PAK1: variants seen among roughly 807,000 people sequenced by gnomAD.
The protein encoded by PAK1 is p21 (RAC1) activated kinase 1.
A neutral mutation model predicts 67.4 loss-of-function variants in PAK1; 29 were observed. That is an observed-to-expected ratio of 0.43 (90% CI 0.32 to 0.59). The LOEUF is 0.59. Ranked by LOEUF, PAK1 falls within the 20% of genes least tolerant of loss-of-function variation. The pLI, the probability that PAK1 is intolerant of heterozygous loss-of-function variation, is 0.07. For missense variants in PAK1, 337 were observed against 670.7 expected (o/e 0.50, Z 5.50); for synonymous variants, 223 against 237.4 (o/e 0.94, Z 0.56).
At chr11:77,487,037 G>C in the PAK1 span, among the ~76,000 whole-genome samples, 1 of 152,164 alleles carries the variant, frequency 6.6e-6, no homozygotes, top group Non-Finnish European at 1.5e-5. Context: ...CTCCAGGAGA[G>C]ACTCCTTCCT....
chr11:77,412,805 G>A (rs545458027), intron 1 of PAK1, among the ~76,000 whole-genome samples: 48 of 152,244 alleles, frequency 3.2e-4, no homozygotes, highest in Admixed American at 2.9e-3. Context: ...TTATGAAGTA[G>A]GCACTATACC....
chr11:77,408,530 A>AATACACATACAC (rs56015509), intron 1 of PAK1, among the ~76,000 whole-genome samples: 1 of 111,534 alleles, frequency 9.0e-6, no homozygotes, highest in Admixed American at 8.7e-5. Flanking sequence ...ACTATGGAGA[A>AATACACATACAC]ATACACACAC....
chr11:77,422,554 C>A (rs200498862), intron 1 of PAK1, among the ~76,000 whole-genome samples: 122 of 137,166 alleles, frequency 8.9e-4, no homozygotes, highest in Admixed American at 1.1e-3. Flanking sequence ...GACACCGTCT[C>A]AAAAAAAAAA....
chr11:77,410,524 T>C (rs1396192675), intron 1 of PAK1, among the ~76,000 whole-genome samples: 2 of 151,822 alleles, frequency 1.3e-5, no homozygotes, highest in Non-Finnish European at 2.9e-5. Flanking sequence ...ACCAGTAACC[T>C]ACTAATAATA....
At chr11:77,325,463 G>A (rs1939577858) in intron 14 of PAK1, 1 of 1,318,734 alleles carries the variant, frequency 7.6e-7, no homozygotes, top group African/African-American at 1.5e-5. Flanking sequence ...TATATAAAGT[G>A]TTTAGTGCCT....
In PAK1 at chr11:77,340,639, G is replaced by C. The variant is rs751827882; in HGVS notation, c.1116+7C>G. On this transcript the variant is annotated splice_region_variant and intron_variant, in intron 11 of 14. Coordinates refer to ENST00000356341, the MANE Select transcript of PAK1 (RefSeq NM_002576.5). The stretch of plus-strand genomic sequence containing the variant: ...TCTACCCAAGACTGCTTGGCCCTTG[G>C]CCTTACCTCACGGCACACAGCTGCA... 25 of 1,478,488 alleles carry C rather than the reference G, an allele frequency of 1.7e-5. No homozygotes were observed. The highest frequency in any genetic ancestry group is 2.3e-5 in the Non-Finnish European group (24 of 1,056,314). 91.6% of individuals were successfully genotyped at this position (1,478,488 alleles called of 1,614,324 possible). A position where few individuals can be genotyped will look rare whatever the true frequency, so the allele number is the denominator to read the frequency against.
intron 8 of PAK1, 25 bp downstream of exon 8, chr11:77,353,511 A>T (rs774578366): frequency 3.9e-6 from 6 of 1,551,892 alleles, no homozygotes; most frequent in Admixed American, 1.7e-5. Context: ...TCATTTCTCC[A>T]GGGAAAGAAA....
intron 1 of PAK1, among the ~76,000 whole-genome samples, chr11:77,393,864 G>A (rs565966345): frequency 3.8e-4 from 58 of 152,174 alleles, no homozygotes; most frequent in African/African-American, 1.3e-3. Flanking sequence ...TTAGCCAGGC[G>A]TGGTGGTGGG....
chr11:77,335,398 C>T (rs1249550213), intron 13 of PAK1, among the ~76,000 whole-genome samples: 1 of 152,162 alleles, frequency 6.6e-6, no homozygotes, highest in Non-Finnish European at 1.5e-5. Flanking sequence ...CTTTATTACC[C>T]AACTTAAGTA....
At chr11:77,365,805 C>T (rs1307261211) in intron 5 of PAK1, among the ~76,000 whole-genome samples, 1 of 151,842 alleles carries the variant, frequency 6.6e-6, no homozygotes, top group Admixed American at 6.6e-5. Context: ...TGTACTCCAG[C>T]CTGGGCGACA....
chr11:77,341,408 G>A (rs1943582841), intron 10 of PAK1, among the ~76,000 whole-genome samples: 1 of 152,192 alleles, frequency 6.6e-6, no homozygotes, highest in African/African-American at 2.4e-5. Flanking sequence ...CCTCTACTTT[G>A]AGTGTCTGTG....
chr11:77,479,122 C>G (rs1958091273), upstream of PAK1, among the ~76,000 whole-genome samples: 1 of 151,166 alleles, frequency 6.6e-6, no homozygotes, highest in South Asian at 2.1e-4. Flanking sequence ...TAAGCATTAG[C>G]ACTCATTGTA....
At chr11:77,501,169 C>CAAAAAAA in the PAK1 span, among the ~76,000 whole-genome samples, 1 of 151,238 alleles carries the variant, frequency 6.6e-6, no homozygotes, top group African/African-American at 2.4e-5. Context: ...AAACAAAAAA[C>CAAAAAAA]AAAAAACAAA....
the PAK1 span, among the ~76,000 whole-genome samples, chr11:77,513,243 G>A: frequency 2.0e-5 from 3 of 152,278 alleles, no homozygotes; most frequent in African/African-American, 7.2e-5. Context: ...GGTCTTTAAT[G>A]AGTTAATCTA....
chr11:77,419,870 T>C (rs899330372), intron 1 of PAK1, among the ~76,000 whole-genome samples: 2 of 152,164 alleles, frequency 1.3e-5, no homozygotes, highest in Admixed American at 6.5e-5. Flanking sequence ...GTAATGATGA[T>C]CTAGAGCATC....
chr11:77,498,997 C>T, the PAK1 span, among the ~76,000 whole-genome samples: 1 of 151,988 alleles, frequency 6.6e-6, no homozygotes, highest in East Asian at 1.9e-4. Context: ...CCACGCCCTG[C>T]CAAATTTTAT....
intron 2 of PAK1, among the ~76,000 whole-genome samples, chr11:77,390,901 C>T (rs528191979): frequency 6.6e-6 from 1 of 152,130 alleles, no homozygotes; most frequent in Non-Finnish European, 1.5e-5. Context: ...CATTAAAAGT[C>T]CTTATTATTT....
At chr11:77,485,451 T>C in the PAK1 span, among the ~76,000 whole-genome samples, 1 of 151,280 alleles carries the variant, frequency 6.6e-6, no homozygotes, top group East Asian at 2.0e-4. Flanking sequence ...ATACCTACTA[T>C]ATACCCACAA....
the PAK1 span, among the ~76,000 whole-genome samples, chr11:77,482,654 C>A: frequency 6.7e-6 from 1 of 149,886 alleles, no homozygotes; most frequent in African/African-American, 2.5e-5. Context: ...AGTGCAGTGG[C>A]ATGATCTCGT....
Sources: allele counts gnomAD v4.1 joint callset (sites outside exome capture counted in the v4.1 genomes callset), GRCh38; gene constraint gnomAD v4.1.1; transcripts MANE v1.5; gene names NCBI Gene and HGNC (gene_info 2026-07-23, HGNC 2026-07-21).